Variants in LAMA3 observed in about 807,000 individuals in gnomAD.
The protein encoded by LAMA3 is laminin subunit alpha-3.
In LAMA3, 281 loss-of-function variants were observed where a neutral mutation model predicts 402.0. The observed-to-expected ratio is 0.70, with a 90% CI of 0.63 to 0.77. The LOEUF (loss-of-function observed/expected upper bound fraction) is 0.77. Among genes scored for constraint, LAMA3 ranks in the 30% least tolerant of loss-of-function variants. LAMA3 has a pLI of 0.00. For synonymous variants in LAMA3, 1,431 were observed against 1,558.4 expected (o/e 0.92, Z 1.93); for missense variants, 3,840 against 4,215.5 (o/e 0.91, Z 2.47).
Position 23,903,093 on chromosome 18 carries a change from A to G in LAMA3, c.6286A>G (p.Ile2096Val), listed in dbSNP as rs150757806. 317 of 1,611,676 alleles carry G rather than the reference A, an allele frequency of 2.0e-4. 1 individual carries two copies. The highest frequency in any genetic ancestry group is 2.4e-4 in the Non-Finnish European group (285 of 1,177,940). Residue 2096 changes from isoleucine to valine, a missense_variant, in exon 49 of 75, where the codon ATT becomes GTT. Physicochemically the swap from Ile to Val is conservative, Grantham distance 29 (BLOSUM62 3). Around this residue, in one of 3 missense-constraint regions of LAMA3, gnomAD observed 891 missense variants for 857.5 expected, o/e 1.04. Transcript: ENST00000313654. ...TADSSLLQTN[I>V]ALQLMEKSQK... The stretch of plus-strand genomic sequence containing the variant: ...AGACTCATCTTTGTTGCAAACCAAC[A>G]TTGCGCTGCAGCTGATGGAGAAAAG...
intron 54 of LAMA3, among the ~76,000 whole-genome samples, chr18:23,908,659 TGTACAGTA>T (rs1236945980): frequency 1.3e-5 from 2 of 151,826 alleles, no homozygotes; most frequent in African/African-American, 4.8e-5. Context: ...CAATTCACCA[TGTACAGTA>T]GTTCCTCCTT....
At position 23,912,796 on chromosome 18, in the gene LAMA3, C is replaced by T. The variant is rs534515284; in HGVS notation, c.7244C>T (p.Ser2415Phe). 1.2e-6 allele frequency: 2 copies of T among 1,613,516 alleles called. No individual in the cohort carries two copies. Among genetic ancestry groups the T allele is most frequent in the Non-Finnish European group, 1.7e-6 (2 of 1,179,522 alleles). The change falls in exon 56 of 75, where the codon TCT becomes TTT. Residue 2415 changes from serine (S) to phenylalanine (F), a missense_variant. By Grantham distance (155) the Ser-to-Phe change is radical. Transcript: ENST00000313654. ...NDLEDLKGYT[S>F]LSLFLQRPNS... ...CTGGAAGATTTGAAAGGATATACAT[C>T]TCTGTCCTTGTTTCTCCAAAGGCCC...
rs1329344059 is a variant in LAMA3, at chr18:23,875,783, CT to C, written c.4999-510del. On this transcript the variant is annotated intron_variant, in intron 38 of 74. Coordinates refer to ENST00000313654, the MANE Select transcript of LAMA3 (RefSeq NM_198129.4). ...GATGTCCTCCCCTCTAAGGACGAGTCTCTTTATTTGTCCATTTCCACCTTCT... is the reference window on the plus strand; with the variant it reads ...GATGTCCTCCCCTCTAAGGACGAGTCCTTTATTTGTCCATTTCCACCTTCT... 2.0e-5 allele frequency among the ~76,000 whole-genome samples: 3 copies of C among 152,124 alleles called. No homozygotes were observed. In the South Asian group the frequency reaches 6.2e-4, roughly 32 times the overall value.
intron 2 of LAMA3, among the ~76,000 whole-genome samples, chr18:23,724,754 G>A (rs1598652756): frequency 6.6e-6 from 1 of 152,130 alleles, no homozygotes; most frequent in East Asian, 1.9e-4. Context: ...GCATATATAA[G>A]GAAAAACTGA....
intron 8 of LAMA3, among the ~76,000 whole-genome samples, chr18:23,767,181 A>G (rs2062093481): frequency 1.3e-5 from 2 of 152,250 alleles, no homozygotes; most frequent in South Asian, 2.1e-4. Context: ...AAAGATCTCT[A>G]CAAGGACAAC....
At chr18:23,753,360 A>G (rs2061786460) in intron 5 of LAMA3, among the ~76,000 whole-genome samples, 1 of 152,254 alleles carries the variant, frequency 6.6e-6, no homozygotes, top group Admixed American at 6.5e-5. Flanking sequence ...AATATTTTCA[A>G]TGTATAAAAT....
intron 23 of LAMA3, among the ~76,000 whole-genome samples, chr18:23,830,894 C>G (rs2063478577): frequency 6.6e-6 from 1 of 152,142 alleles, no homozygotes. Context: ...ACCTTCCTTC[C>G]TGACATTACC....
intron 56 of LAMA3, among the ~76,000 whole-genome samples, chr18:23,913,789 C>T (rs2081515539): frequency 6.6e-6 from 1 of 152,126 alleles, no homozygotes. Context: ...TACTTTATTC[C>T]TTCAGCAAAT....
intron 2 of LAMA3, among the ~76,000 whole-genome samples, chr18:23,746,462 C>T (rs551767803): frequency 1.3e-5 from 2 of 152,246 alleles, no homozygotes; most frequent in African/African-American, 4.8e-5. Context: ...AATACTTCAG[C>T]CAAACAACAT....
At chr18:23,867,561 A>G (rs1287250445) in intron 36 of LAMA3, among the ~76,000 whole-genome samples, 2 of 151,744 alleles carry the variant, frequency 1.3e-5, no homozygotes, top group African/African-American at 2.4e-5. Context: ...CCAAAAAAAA[A>G]AAAAAAAGAA....
In LAMA3 at chr18:23,763,397, T is replaced by C. The variant is rs756841225; in HGVS notation, c.1064-8T>C. 4.4e-6 allele frequency: 7 copies of C among 1,573,966 alleles called. No homozygotes were observed. Among genetic ancestry groups the C allele is most frequent in the Non-Finnish European group, 6.1e-6 (7 of 1,143,354 alleles). ...TGAGAATATTGACTTATTATGCTTT[T>C]TTTTCAGCATGCAACTGCCACGGCC... On this transcript the variant is annotated splice_region_variant and splice_polypyrimidine_tract_variant and intron_variant, in intron 7 of 74. Coordinates refer to ENST00000313654, the MANE Select transcript of LAMA3 (RefSeq NM_198129.4).
intron 1 of LAMA3, among the ~76,000 whole-genome samples, chr18:23,702,824 C>A (rs2060815237): frequency 6.6e-6 from 1 of 152,204 alleles, no homozygotes; most frequent in Admixed American, 6.5e-5. Context: ...TCTCCAGCAT[C>A]CCCTCTTGGG....
chr18:23,824,057 A>C (rs998944354), intron 20 of LAMA3, among the ~76,000 whole-genome samples: 1 of 152,182 alleles, frequency 6.6e-6, no homozygotes, highest in African/African-American at 2.4e-5. Context: ...TTTAAAAAAA[A>C]CTCACATATA....
intron 12 of LAMA3, among the ~76,000 whole-genome samples, chr18:23,786,867 A>G (rs983662908): frequency 6.6e-6 from 1 of 152,258 alleles, no homozygotes; most frequent in African/African-American, 2.4e-5. Flanking sequence ...AATAACTGAA[A>G]TGAAAAATTC....
At chr18:23,726,620 T>C (rs2061304807) in intron 2 of LAMA3, among the ~76,000 whole-genome samples, 1 of 152,130 alleles carries the variant, frequency 6.6e-6, no homozygotes, top group Admixed American at 6.5e-5. Flanking sequence ...TTATTTTTAT[T>C]TATTTTTTAT....
chr18:23,883,656 C>T (rs577133500), intron 40 of LAMA3, among the ~76,000 whole-genome samples: 1 of 152,186 alleles, frequency 6.6e-6, no homozygotes, highest in African/African-American at 2.4e-5. Flanking sequence ...GAAGCCCGCC[C>T]CATCCTGCAG....
intron 24 of LAMA3, among the ~76,000 whole-genome samples, chr18:23,835,326 A>C (rs2063560819): frequency 6.6e-6 from 1 of 152,214 alleles, no homozygotes; most frequent in Admixed American, 6.5e-5. Flanking sequence ...TATTCATAAC[A>C]ACCCTGGTGA....
At position 23,842,596 on chromosome 18, in the gene LAMA3, C is replaced by A; in HGVS notation, c.3464-15C>A. 1 of 1,613,764 alleles carries A rather than the reference C, an allele frequency of 6.2e-7. No individual in the cohort carries two copies. The highest frequency in any genetic ancestry group is 1.3e-5 in the African/African-American group (1 of 75,062). On this transcript the variant is annotated splice_polypyrimidine_tract_variant and intron_variant, in intron 28 of 74. Coordinates refer to ENST00000313654, the MANE Select transcript of LAMA3 (RefSeq NM_198129.4). ...GTCCGGTGCATGACAGAAAGTCTCT[C>A]TCTCTCTCTGCCAGGCTCCTTCCAT...
intron 1 of LAMA3, among the ~76,000 whole-genome samples, chr18:23,707,033 G>A (rs1207163848): frequency 2.0e-5 from 3 of 152,164 alleles, no homozygotes; most frequent in Non-Finnish European, 2.9e-5. Flanking sequence ...AGCCAAGATC[G>A]CACCATTGCA....
Sources: gnomAD v4.1 joint callset for allele counts (sites outside exome capture counted in the v4.1 genomes callset) on GRCh38, gnomAD v4.1.1 for gene constraint, gnomAD v4.1.1 regional missense constraint, MANE v1.5 for transcripts, NCBI Gene and HGNC (gene_info 2026-07-23, HGNC 2026-07-21) for gene names.